RBFOX1: variants seen among roughly 807,000 people sequenced by gnomAD.
The protein encoded by RBFOX1 is RNA binding protein fox-1 homolog 1.
Under a neutral mutation model 57.7 loss-of-function variants are expected in RBFOX1, and 8 were observed. The observed-to-expected ratio is 0.14, with a 90% confidence interval of 0.08 to 0.25. The LOEUF (loss-of-function observed/expected upper bound fraction) is 0.25. RBFOX1 is among the 10% of genes least tolerant of loss of function. The pLI, the probability that RBFOX1 is intolerant of heterozygous loss-of-function variation, is 1.00. For synonymous variants in RBFOX1, 326 were observed against 222.4 expected, an observed-to-expected ratio of 1.47 and a Z score of -4.15; for missense variants, 611 against 548.5, an observed-to-expected ratio of 1.11 and a Z score of -1.14.
chr16:6,197,498 A>C (rs1224396537), intron 1 of RBFOX1, among the ~76,000 whole-genome samples: 1 of 151,978 alleles, frequency 6.6e-6, no homozygotes, highest in African/African-American at 2.4e-5. Context: ...GAGCACAATT[A>C]ATGGTTAATT....
At chr16:7,697,893 C>A (rs2079294822) in intron 14 of RBFOX1, among the ~76,000 whole-genome samples, 1 of 152,128 alleles carries the variant, frequency 6.6e-6, no homozygotes. Flanking sequence ...AGCAGTTGTT[C>A]CACTGGAATT....
intron 1 of RBFOX1, among the ~76,000 whole-genome samples, chr16:6,307,477 T>C (rs963568784): frequency 6.6e-6 from 1 of 150,910 alleles, no homozygotes. Context: ...AATTATTTCT[T>C]TCTAAGTCTA....
intron 3 of RBFOX1, among the ~76,000 whole-genome samples, chr16:6,819,141 G>A (rs1001171305): frequency 7.9e-5 from 12 of 152,150 alleles, no homozygotes; most frequent in African/African-American, 2.9e-4. Context: ...ATGGCAGTTT[G>A]TATCATATAT....
At chr16:5,601,901 T>G (rs2047377384), downstream of RBFOX1, among the ~76,000 whole-genome samples, 1 of 152,178 alleles carries the variant, frequency 6.6e-6, no homozygotes, top group African/African-American at 2.4e-5. Context: ...TTGGGTTGGG[T>G]CAGGTATTTC....
At chr16:7,205,893 A>G (rs2089864711) in intron 4 of RBFOX1, among the ~76,000 whole-genome samples, 1 of 152,256 alleles carries the variant, frequency 6.6e-6, no homozygotes, top group Non-Finnish European at 1.5e-5. Context: ...CAAGGCAGCT[A>G]TTAGTGGTGT....
intron 1 of RBFOX1, among the ~76,000 whole-genome samples, chr16:6,127,824 G>T (rs2152663225): frequency 6.6e-6 from 1 of 152,274 alleles, no homozygotes; most frequent in Non-Finnish European, 1.5e-5. Flanking sequence ...GTTTGCATTT[G>T]TAAAACCTAA....
At chr16:7,489,894 C>A (rs8051283) in intron 4 of RBFOX1, among the ~76,000 whole-genome samples, 1 of 152,010 alleles carries the variant, frequency 6.6e-6, no homozygotes, top group Non-Finnish European at 1.5e-5. Flanking sequence ...TTTAATGATG[C>A]ATGTACAATG....
intron 4 of RBFOX1, among the ~76,000 whole-genome samples, chr16:7,506,591 A>G (rs549906029): frequency 1.3e-3 from 192 of 151,706 alleles, no homozygotes; most frequent in African/African-American, 4.5e-3. Context: ...CATCATCATC[A>G]TCATCATCAT....
At chr16:5,764,807 T>A (rs1198702289) in intron 3 of RBFOX1, among the ~76,000 whole-genome samples, 1 of 150,782 alleles carries the variant, frequency 6.6e-6, no homozygotes, top group Non-Finnish European at 1.5e-5. Flanking sequence ...ATTTTTTTTA[T>A]CATTACAGCT....
intron 4 of RBFOX1, among the ~76,000 whole-genome samples, chr16:7,449,567 G>C (rs11644366): frequency 1 from 151,539 of 152,244 alleles, 75,428 homozygotes; most frequent in Middle Eastern, 1. Context: ...ACTTGTTTAG[G>C]ACCATCTCTT....
intron 3 of RBFOX1, among the ~76,000 whole-genome samples, chr16:5,648,983 G>C (rs998186637): frequency 6.6e-6 from 1 of 151,820 alleles, no homozygotes; most frequent in Non-Finnish European, 1.5e-5. Flanking sequence ...AGAATCACTT[G>C]AACCTAGGAG....
At chr16:6,487,920 T>C (rs984581622) in intron 2 of RBFOX1, among the ~76,000 whole-genome samples, 16 of 151,856 alleles carry the variant, frequency 1.1e-4, no homozygotes, top group Non-Finnish European at 2.4e-4. Flanking sequence ...GCCGCTTTAA[T>C]GATCTGTAGT....
intron 2 of RBFOX1, among the ~76,000 whole-genome samples, chr16:6,470,695 C>G (rs905379649): frequency 1.2e-4 from 18 of 152,308 alleles, no homozygotes; most frequent in Admixed American, 9.8e-4. Context: ...TCTGATGCCC[C>G]TGAACCTGGT....
At chr16:7,480,934 G>A (rs1013761547) in intron 4 of RBFOX1, among the ~76,000 whole-genome samples, 3 of 152,122 alleles carry the variant, frequency 2.0e-5, no homozygotes, top group African/African-American at 4.8e-5. Context: ...AGGGGTCTCT[G>A]TAGTGCGAAT....
intron 4 of RBFOX1, among the ~76,000 whole-genome samples, chr16:7,179,587 A>G (rs972670023): frequency 2.0e-5 from 3 of 151,768 alleles, no homozygotes; most frequent in African/African-American, 4.8e-5. Context: ...ACGTGGACAC[A>G]TGGTTTCCTT....
At chr16:6,493,036 A>G (rs1299668865) in intron 2 of RBFOX1, among the ~76,000 whole-genome samples, 3 of 152,202 alleles carry the variant, frequency 2.0e-5, no homozygotes, top group Non-Finnish European at 4.4e-5. Context: ...TGTGATTTTC[A>G]GCAAAGATGC....
intron 3 of RBFOX1, among the ~76,000 whole-genome samples, chr16:6,931,323 A>ATCTG (rs1567941647): frequency 7.9e-6 from 1 of 126,784 alleles, no homozygotes; most frequent in African/African-American, 3.6e-5. Flanking sequence ...CTATCTATCT[A>ATCTG]TCTATCTATC....
intron 2 of RBFOX1, among the ~76,000 whole-genome samples, chr16:5,597,395 CTTT>C (rs35058375): frequency 0.053 from 6,006 of 114,322 alleles, 570 homozygotes; most frequent in African/African-American, 0.19. Flanking sequence ...AGCTTGCTGA[CTTT>C]TTTTTTTTTT....
intron 3 of RBFOX1, among the ~76,000 whole-genome samples, chr16:6,937,802 A>G (rs1006665196): frequency 2.6e-5 from 4 of 151,922 alleles, no homozygotes; most frequent in African/African-American, 7.3e-5. Context: ...CTGTGGAGAG[A>G]TTAGATTGCA....
Sources: allele counts gnomAD v4.1 joint callset (sites outside exome capture counted in the v4.1 genomes callset), GRCh38; gene constraint gnomAD v4.1.1; transcripts MANE v1.5; gene names NCBI Gene and HGNC (gene_info 2026-07-23, HGNC 2026-07-21).